The following DLGAP2 variants were observed in gnomAD, a reference collection of about 807,000 sequenced individuals.
DLGAP2 encodes the protein disks large-associated protein 2.
Under a neutral mutation model 100.3 loss-of-function variants are expected in DLGAP2, and 26 were observed. That is an observed-to-expected ratio of 0.26 (90% CI 0.19 to 0.36). The LOEUF (loss-of-function observed/expected upper bound fraction) is 0.36, where lower values mean the gene tolerates loss of function less well. DLGAP2 is among the 10% of genes least tolerant of loss of function. The probability of loss-of-function intolerance (pLI) is 1.00; values close to 1 mark genes in which losing one functional copy is unlikely to be tolerated. For synonymous variants in DLGAP2, 886 were observed against 630.1 expected, an observed-to-expected ratio of 1.41 and a Z score of -6.08; for missense variants, 1,858 against 1,453.2, an observed-to-expected ratio of 1.28 and a Z score of -4.53.
rs142085434 is a variant in DLGAP2, at chr8:1,087,813, CCTCT to C, written c.74-171037_74-171034del. 2.0e-4 allele frequency among the ~76,000 whole-genome samples: 30 copies of C among 152,324 alleles called. 1 individual carries two copies. The East Asian group carries it at 5.6e-3, about 28-fold the overall frequency. On this transcript the variant is annotated intron_variant, in intron 2 of 14. Coordinates refer to ENST00000637795, the MANE Select transcript of DLGAP2 (RefSeq NM_001346810.2). ...TTACTGTCTCCTGACCCTCCTGCTCCCTCTGTCCTTTCTCTTCATGGGCTTGCCA... is the reference window on the plus strand; with the variant it reads ...TTACTGTCTCCTGACCCTCCTGCTCCGTCCTTTCTCTTCATGGGCTTGCCA...
chr8:1,451,855 A>C (rs1164495862), intron 3 of DLGAP2, among the ~76,000 whole-genome samples: 1 of 152,208 alleles, frequency 6.6e-6, no homozygotes, highest in Non-Finnish European at 1.5e-5. Flanking sequence ...TCACTAATGT[A>C]CCCAAACCAT....
intron 2 of DLGAP2, among the ~76,000 whole-genome samples, chr8:986,083 C>G (rs1468270829): frequency 6.6e-6 from 1 of 152,070 alleles, no homozygotes; most frequent in Non-Finnish European, 1.5e-5. Flanking sequence ...CTCTTGATAT[C>G]CACGTTATTA....
chr8:1,149,439 G>A (rs114656325), intron 2 of DLGAP2, among the ~76,000 whole-genome samples: 5,609 of 152,148 alleles, frequency 0.037, 229 homozygotes, highest in African/African-American at 0.11. Flanking sequence ...CAGCCACCGC[G>A]CCTGGCCTGA....
chr8:1,241,755 A>AG (rs398112100), intron 2 of DLGAP2, among the ~76,000 whole-genome samples: 6 of 151,740 alleles, frequency 4.0e-5, no homozygotes, highest in African/African-American at 1.5e-4. Context: ...GAAAAAAAAA[A>AG]CTAATAAATT....
At chr8:1,344,651 G>C (rs542779021) in intron 3 of DLGAP2, among the ~76,000 whole-genome samples, 1 of 152,056 alleles carries the variant, frequency 6.6e-6, no homozygotes, top group Non-Finnish European at 1.5e-5. Flanking sequence ...ACATCCTAAC[G>C]CTGGGCTCCA....
chr8:1,256,867 G>A (rs1162940367), intron 2 of DLGAP2, among the ~76,000 whole-genome samples: 1 of 152,154 alleles, frequency 6.6e-6, no homozygotes, highest in African/African-American at 2.4e-5. Context: ...TGGGTAACAG[G>A]AGCCCCGCCT....
intron 2 of DLGAP2, among the ~76,000 whole-genome samples, chr8:1,229,500 T>A (rs1225318378): frequency 6.6e-6 from 1 of 152,126 alleles, no homozygotes; most frequent in African/African-American, 2.4e-5. Context: ...GATTTTCTAG[T>A]TTGTGTGTGT....
At chr8:994,539 A>G (rs1800732328) in intron 2 of DLGAP2, among the ~76,000 whole-genome samples, 1 of 152,140 alleles carries the variant, frequency 6.6e-6, no homozygotes, top group African/African-American at 2.4e-5. Flanking sequence ...GAGTTTTCCA[A>G]GGCTCCAGAT....
At chr8:1,331,989 G>C (rs935339167) in intron 3 of DLGAP2, among the ~76,000 whole-genome samples, 3 of 152,228 alleles carry the variant, frequency 2.0e-5, no homozygotes, top group African/African-American at 7.2e-5. Context: ...GCCCCAGGGT[G>C]GGCCAGGGCT....
intron 4 of DLGAP2, among the ~76,000 whole-genome samples, chr8:1,539,171 C>T (rs1801265606): frequency 6.6e-6 from 1 of 152,150 alleles, no homozygotes; most frequent in Admixed American, 6.5e-5. Flanking sequence ...CAGGCATGAG[C>T]CACGGCACCT....
At chr8:847,776 G>T (rs960072419) in intron 1 of DLGAP2, among the ~76,000 whole-genome samples, 2 of 152,184 alleles carry the variant, frequency 1.3e-5, no homozygotes, top group African/African-American at 4.8e-5. Context: ...CAAAGTGCTG[G>T]CATTACACAG....
chr8:984,646 C>T (rs1228901904), intron 2 of DLGAP2, among the ~76,000 whole-genome samples: 3 of 152,188 alleles, frequency 2.0e-5, no homozygotes, highest in South Asian at 2.1e-4. Flanking sequence ...GTAAAGAGCA[C>T]GGCCTCCCAG....
At position 1,691,598 on chromosome 8, in the gene DLGAP2, A is replaced by C. The variant is rs543474728; in HGVS notation, c.2768A>C (p.Gln923Pro). The C allele has an allele frequency of 6.2e-7, 1 of 1,614,058 alleles. No homozygotes were observed. Among genetic ancestry groups the C allele is most frequent in the East Asian group, 2.2e-5 (1 of 44,880 alleles). The change falls in exon 13 of 15, where the codon CAG becomes CCG. Residue 923 changes from glutamine (Q) to proline (P), a missense_variant. Coordinates refer to ENST00000637795, the MANE Select transcript of DLGAP2 (RefSeq NM_001346810.2). Reference protein sequence around the residue: ...AQLLMSQKFQQFYWLCQQNMD... With the variant: ...AQLLMSQKFQPFYWLCQQNMD... ...CTTCTCATGTCCCAGAAATTCCAGC[A>C]GTTTTATTGGCTTTGCCAACAGAAT...
In DLGAP2 at chr8:1,062,249, G is replaced by T. The variant is rs1047704634; in HGVS notation, c.73+154283G>T. Among the ~76,000 whole-genome samples the T allele has an allele frequency of 7.2e-5, 11 of 152,244 alleles. No individual in the cohort carries two copies. In the East Asian group the frequency reaches 1.4e-3, roughly 19 times the overall value. On this transcript the variant is annotated intron_variant, in intron 2 of 14. Transcript: ENST00000637795. ...TGTTTTCTATTATGCTTGACTATAT[G>T]GGCCATGCATCGCAGTCCTGTGCCT...
intron 2 of DLGAP2, among the ~76,000 whole-genome samples, chr8:948,085 C>G (rs940822586): frequency 6.6e-6 from 1 of 151,998 alleles, no homozygotes; most frequent in Admixed American, 6.5e-5. Context: ...CGACCCCATG[C>G]CAGCCCGCGT....
At chr8:743,460 A>G (rs921027342) in intron 1 of DLGAP2, among the ~76,000 whole-genome samples, 2 of 152,202 alleles carry the variant, frequency 1.3e-5, no homozygotes, top group East Asian at 1.9e-4. Flanking sequence ...AAAATACAGA[A>G]GTATTTTTTA....
At chr8:1,355,074 G>A (rs1346318710) in intron 3 of DLGAP2, among the ~76,000 whole-genome samples, 1 of 152,194 alleles carries the variant, frequency 6.6e-6, no homozygotes, top group Non-Finnish European at 1.5e-5. Flanking sequence ...GATGAGGGTG[G>A]AAAGTCACGG....
intron 2 of DLGAP2, among the ~76,000 whole-genome samples, chr8:1,086,861 AAATT>A (rs923386652): frequency 2.0e-5 from 3 of 152,198 alleles, no homozygotes; most frequent in Non-Finnish European, 4.4e-5. Flanking sequence ...TACAGACAGA[AAATT>A]AATAAGAAAA....
At chr8:1,481,467 TTTTC>T (rs1330228863) in intron 3 of DLGAP2, among the ~76,000 whole-genome samples, 206 of 115,150 alleles carry the variant, frequency 1.8e-3, no homozygotes, top group African/African-American at 6.9e-3. Flanking sequence ...TTCTTTTTCT[TTTTC>T]TTTTTTTTTT....
Sources: allele counts gnomAD v4.1 joint callset (sites outside exome capture counted in the v4.1 genomes callset), GRCh38; gene constraint gnomAD v4.1.1; transcripts MANE v1.5; gene names NCBI Gene and HGNC (gene_info 2026-07-23, HGNC 2026-07-21).